CDH13: variants seen among roughly 807,000 people sequenced by gnomAD.
CDH13 encodes cadherin 13.
Under a neutral mutation model 63.8 loss-of-function variants are expected in CDH13, and 24 were observed. The ratio of observed to expected loss-of-function variants is 0.38; its 90% CI spans 0.27 to 0.53. The LOEUF (loss-of-function observed/expected upper bound fraction) is 0.53, where lower values mean the gene tolerates loss of function less well. Ranked by LOEUF, CDH13 falls within the 20% of genes least tolerant of loss-of-function variation. The probability of loss-of-function intolerance (pLI) is 0.85; values close to 1 mark genes in which losing one functional copy is unlikely to be tolerated. For synonymous variants in CDH13, 503 were observed against 355.3 expected, an observed-to-expected ratio of 1.42 and a Z score of -4.67; for missense variants, 1,049 against 903.1, an observed-to-expected ratio of 1.16 and a Z score of -2.07.
chr16:82,701,974 C>T (rs150462176), intron 1 of CDH13, among the ~76,000 whole-genome samples: 5 of 152,106 alleles, frequency 3.3e-5, no homozygotes, highest in Non-Finnish European at 7.3e-5. Flanking sequence ...GTTCTTGGAG[C>T]AAGGACATGA....
At chr16:83,376,918 A>G (rs1028798135) in intron 6 of CDH13, among the ~76,000 whole-genome samples, 1 of 152,190 alleles carries the variant, frequency 6.6e-6, no homozygotes, top group South Asian at 2.1e-4. Context: ...CCAGCACCAC[A>G]TAAGAAGTTT....
intron 6 of CDH13, among the ~76,000 whole-genome samples, chr16:83,474,105 CTCTT>C (rs1370741959): frequency 6.6e-6 from 1 of 152,150 alleles, no homozygotes; most frequent in African/African-American, 2.4e-5. Context: ...GAGCCTGAGT[CTCTT>C]TCTTTTAAAA....
At chr16:83,259,880 G>T (rs1024953434) in intron 5 of CDH13, among the ~76,000 whole-genome samples, 1 of 151,972 alleles carries the variant, frequency 6.6e-6, no homozygotes, top group African/African-American at 2.4e-5. Context: ...ACTTCTTTGG[G>T]GGCCTAAAAT....
At position 82,995,246 on chromosome 16, in the gene CDH13, C is replaced by T. The variant is rs74813484; in HGVS notation, c.158-36764C>T. Among the ~76,000 whole-genome samples, 973 of 152,258 alleles carry T rather than the reference C, an allele frequency of 6.4e-3. 5 individuals carry two copies. Among genetic ancestry groups the T allele is most frequent in the Non-Finnish European group, 0.01 (700 of 68,004 alleles). Reference sequence around the variant, plus strand: ...CATAGTGAATCTCGCTATAGTCATCCTCCGTTTTGCAACAGCAGATTTTGC... The same window carrying T: ...CATAGTGAATCTCGCTATAGTCATCTTCCGTTTTGCAACAGCAGATTTTGC... On this transcript the variant is annotated intron_variant, in intron 2 of 13. Transcript: ENST00000567109.
chr16:83,783,171 G>A (rs1441789917), intron 12 of CDH13, 83 bp from the exon 13 acceptor site: 3 of 873,632 alleles, frequency 3.4e-6, no homozygotes, highest in Non-Finnish European at 5.6e-6. Context: ...TGCCTGTTTG[G>A]TGTGACTTTC....
At chr16:82,645,855 T>G (rs1429508038) in intron 1 of CDH13, among the ~76,000 whole-genome samples, 1 of 152,212 alleles carries the variant, frequency 6.6e-6, no homozygotes, top group Non-Finnish European at 1.5e-5. Flanking sequence ...CAAAGGGCAT[T>G]TAAGAAGCTA....
At chr16:83,221,068 A>G (rs1198058038) in intron 5 of CDH13, among the ~76,000 whole-genome samples, 1 of 152,246 alleles carries the variant, frequency 6.6e-6, no homozygotes, top group Non-Finnish European at 1.5e-5. Flanking sequence ...GCTGGCATGT[A>G]TTGGATTTGG....
intron 8 of CDH13, among the ~76,000 whole-genome samples, chr16:83,604,784 C>T (rs186840900): frequency 7.7e-4 from 117 of 152,262 alleles, no homozygotes; most frequent in Middle Eastern, 3.4e-3. Flanking sequence ...ATAACCCCAA[C>T]CCAAAATATG....
At chr16:83,484,347 A>G (rs946914316) in intron 6 of CDH13, among the ~76,000 whole-genome samples, 3 of 152,200 alleles carry the variant, frequency 2.0e-5, no homozygotes, top group Admixed American at 6.5e-5. Context: ...TGCGGCTTTG[A>G]TCTCTTCCGG....
intron 5 of CDH13, among the ~76,000 whole-genome samples, chr16:83,246,953 A>G (rs1905053077): frequency 6.6e-6 from 1 of 152,192 alleles, no homozygotes; most frequent in Admixed American, 6.5e-5. Flanking sequence ...TTGCGTATCC[A>G]TCTCTACTGA....
intron 7 of CDH13, among the ~76,000 whole-genome samples, chr16:83,548,103 G>A (rs1028143689): frequency 6.6e-6 from 1 of 151,202 alleles, no homozygotes; most frequent in Non-Finnish European, 1.5e-5. Flanking sequence ...GGAAGGGGGG[G>A]ATGGGAAGCT....
intron 8 of CDH13, among the ~76,000 whole-genome samples, chr16:83,633,790 G>A (rs1910993398): frequency 6.6e-6 from 1 of 152,082 alleles, no homozygotes; most frequent in Admixed American, 6.5e-5. Flanking sequence ...ACAGTCTGTG[G>A]GAGCCCAAGT....
intron 5 of CDH13, among the ~76,000 whole-genome samples, chr16:83,224,084 A>G (rs766358579): frequency 1.3e-5 from 2 of 152,074 alleles, no homozygotes; most frequent in East Asian, 3.9e-4. Flanking sequence ...GTGAGAACAT[A>G]TGATGTTTGG....
At chr16:83,008,547 A>G (rs1913785445) in intron 2 of CDH13, among the ~76,000 whole-genome samples, 1 of 152,218 alleles carries the variant, frequency 6.6e-6, no homozygotes, top group African/African-American at 2.4e-5. Flanking sequence ...GTAGGTTAGA[A>G]CAGGAACTTT....
chr16:83,445,657 C>A (rs1465044413), intron 6 of CDH13, among the ~76,000 whole-genome samples: 1 of 152,198 alleles, frequency 6.6e-6, no homozygotes, highest in Admixed American at 6.5e-5. Flanking sequence ...TCTTTCTCCA[C>A]CTTTTTTGCT....
chr16:82,778,666 T>G (rs543374846), intron 1 of CDH13, among the ~76,000 whole-genome samples: 2 of 151,640 alleles, frequency 1.3e-5, no homozygotes, highest in South Asian at 4.2e-4. Context: ...CCTTCCTCAC[T>G]GATTGTTATT....
intron 11 of CDH13, among the ~76,000 whole-genome samples, chr16:83,754,306 G>A (rs1476899437): frequency 6.6e-6 from 1 of 152,190 alleles, no homozygotes; most frequent in Non-Finnish European, 1.5e-5. Context: ...CTGAAGGGAA[G>A]AATTGGATTT....
In CDH13 at chr16:83,100,155, G is replaced by C. The variant is rs117037562; in HGVS notation, c.367-25230G>C. On this transcript the variant is annotated intron_variant, in intron 3 of 13. Coordinates refer to ENST00000567109, the MANE Select transcript of CDH13 (RefSeq NM_001257.5). The stretch of plus-strand genomic sequence containing the variant: ...ACACCAGGTGCCAAGGACTGTTCTG[G>C]TTTACTAGGGTTAGAAAGGTAAATA... Among the ~76,000 whole-genome samples, 1,078 of 152,214 alleles carry C rather than the reference G, an allele frequency of 7.1e-3. 8 individuals are homozygous for C. The highest frequency in any genetic ancestry group is 0.012 in the Non-Finnish European group (828 of 68,020).
Position 83,674,348 on chromosome 16 carries a change from C to T in CDH13, c.1284+3376C>T, listed in dbSNP as rs545776619. On this transcript the variant is annotated intron_variant, in intron 9 of 13. Coordinates refer to ENST00000567109, the MANE Select transcript of CDH13 (RefSeq NM_001257.5). ...CCAAAGCCCCAGGCATCATATCTTC[C>T]CATGATGCTGCATCCTAATGCAGGA... Among the ~76,000 whole-genome samples, 44 of 152,300 alleles carry T rather than the reference C, an allele frequency of 2.9e-4. 1 individual carries two copies. In the South Asian group the frequency reaches 8.5e-3, roughly 29 times the overall value.
Sources: gnomAD v4.1 joint callset for allele counts (sites outside exome capture counted in the v4.1 genomes callset) on GRCh38, gnomAD v4.1.1 for gene constraint, MANE v1.5 for transcripts, NCBI Gene and HGNC (gene_info 2026-07-23, HGNC 2026-07-21) for gene names.